LRRN4: variants seen among roughly 807,000 people sequenced by gnomAD.
The protein encoded by LRRN4 is leucine-rich repeat neuronal protein 4.
Under a neutral mutation model 22.3 loss-of-function variants are expected in LRRN4, and 26 were observed. That is an observed-to-expected ratio of 1.16 (90% CI 0.85 to 1.62). LRRN4 has a LOEUF of 1.62. LRRN4 is among the 40% of genes most tolerant of loss of function. The pLI, the probability that LRRN4 is intolerant of heterozygous loss-of-function variation, is 0.00. For missense variants in LRRN4, 1,070 were observed against 1,008.5 expected (o/e 1.06, Z -0.83); for synonymous variants, 496 against 486.2 (o/e 1.02, Z -0.26).
chr20:6,050,157 C>G (rs1450969147), intron 3 of LRRN4, among the ~76,000 whole-genome samples: 1 of 152,206 alleles, frequency 6.6e-6, no homozygotes, highest in Non-Finnish European at 1.5e-5. Context: ...TTATCGAGCT[C>G]AAAGGAGTCT....
rs774800892 is a variant in LRRN4, at chr20:6,052,383, C to T, written c.417G>A (p.Pro139=). The T allele has an allele frequency of 3.3e-6, 5 of 1,524,398 alleles. No individual in the cohort carries two copies. Among genetic ancestry groups the T allele is most frequent in the Non-Finnish European group, 4.4e-6 (5 of 1,145,366 alleles). 94.4% of individuals were successfully genotyped at this position (1,524,398 alleles called of 1,614,324 possible). ...GGCTGCTCAGCGCGGGCCCGGTGCA[C>T]GGCGGCAGAGCGGCCAGCTGGTTGT... The part of the protein sequence containing the change: ...LSYNQLAALP[P]CTGPALSSLR... Residue 139 remains proline, a synonymous_variant, in exon 2 of 5, where the codon CCG becomes CCA. Transcript: ENST00000378858.
At chr20:6,053,611 G>A (rs1017094526) in intron 1 of LRRN4, among the ~76,000 whole-genome samples, 9 of 152,054 alleles carry the variant, frequency 5.9e-5, no homozygotes, top group Admixed American at 3.9e-4. Context: ...CAAAGATACC[G>A]TTAACCATGC....
At chr20:6,051,028 A>G in intron 2 of LRRN4, 45 bp from the exon 3 acceptor site, 1 of 1,566,692 alleles carries the variant, frequency 6.4e-7, no homozygotes, top group East Asian at 2.2e-5. Context: ...GAACGCACAA[A>G]CCCAGGAGGC....
In LRRN4 at chr20:6,041,778, CG is replaced by C. The variant is rs748685329; in HGVS notation, c.1466del (p.Ser489CysfsTer6). The stretch of plus-strand genomic sequence containing the variant: ...GAGGCGAGCTTATGCTGCGGTCCCA[CG>C]AGGTAGGGAAGGGGCCCAGGAGCTT... ...ASKLLGPFPT[S>X]WDRSISSPQP... On this transcript the variant is annotated frameshift_variant, in exon 5 of 5. Coordinates refer to ENST00000378858, the MANE Select transcript of LRRN4 (RefSeq NM_152611.5). LOFTEE classifies it low-confidence loss of function (END_TRUNC). This position sits in a 1 kb window ranked among gnomAD's most constrained non-coding sequence, Gnocchi z 9.4. 2.3e-5 allele frequency: 37 copies of C among 1,613,944 alleles called. No individual in the cohort carries two copies. Among genetic ancestry groups the C allele is most frequent in the East Asian group, 8.9e-5 (4 of 44,878 alleles).
At chr20:6,048,745 T>A (rs113226856) in intron 3 of LRRN4, among the ~76,000 whole-genome samples, 1 of 152,184 alleles carries the variant, frequency 6.6e-6, no homozygotes, top group South Asian at 2.1e-4. Flanking sequence ...GGCAATTAGA[T>A]ACGTGATTCT....
Position 6,051,229 on chromosome 20 carries a change from C to T in LRRN4, c.656-246G>A, listed in dbSNP as rs182328096. ...AGGCCAGAGAGGGGATTGATTGGCC[C>T]AAGGCTACATAGCTGGAAAGCGGCA... On this transcript the variant is annotated intron_variant, in intron 2 of 4. Coordinates refer to ENST00000378858, the MANE Select transcript of LRRN4 (RefSeq NM_152611.5). 2.6e-5 allele frequency among the ~76,000 whole-genome samples: 4 copies of T among 152,300 alleles called. No individual in the cohort carries two copies. In the East Asian group the frequency reaches 7.7e-4, roughly 29 times the overall value.
intron 2 of LRRN4, among the ~76,000 whole-genome samples, 177 bp from the exon 3 acceptor site, chr20:6,051,160 T>C (rs1981235134): frequency 6.6e-6 from 1 of 152,214 alleles, no homozygotes; most frequent in African/African-American, 2.4e-5. Flanking sequence ...GGAAGGGTGC[T>C]CAGGGACAAG....
chr20:6,052,040 A>G (rs1981259038), intron 2 of LRRN4, 105 bp downstream of exon 2: 13 of 1,372,620 alleles, frequency 9.5e-6, no homozygotes, highest in Non-Finnish European at 1.3e-5. Flanking sequence ...CGAGCTGGGC[A>G]CCCGGGTCAC....
chr20:6,052,603 A>T lies in LRRN4; in HGVS notation c.197T>A (p.Leu66Gln). 3 of 1,587,472 alleles carry T rather than the reference A, an allele frequency of 1.9e-6. No homozygotes were observed. The highest frequency in any genetic ancestry group is 2.6e-6 in the Non-Finnish European group (3 of 1,174,572). Residue 66 changes from leucine (L) to glutamine (Q), a missense_variant, in exon 2 of 5, where the codon CTG becomes CAG. By Grantham distance (113) the Leu-to-Gln change is moderately radical (BLOSUM62 -2). Coordinates refer to ENST00000378858, the MANE Select transcript of LRRN4 (RefSeq NM_152611.5). ...ATALTLANRN[L>Q]ERLPGCLPRT... The stretch of plus-strand genomic sequence containing the variant: ...CGGTAGGCAGCCGGGCAGGCGCTCC[A>T]GGTTGCGGTTCGCCAGGGTCAAGGC...
In LRRN4 at chr20:6,047,649, G is replaced by T. The variant is rs190499513; in HGVS notation, c.861-2969C>A. On this transcript the variant is annotated intron_variant, in intron 3 of 4. Coordinates refer to ENST00000378858, the MANE Select transcript of LRRN4 (RefSeq NM_152611.5). The stretch of plus-strand genomic sequence containing the variant: ...AAAATACAAAAAAAAAAAATAGCTG[G>T]GTGTGGTGGCGTGTACCTGTAGTCC... 6.7e-3 allele frequency among the ~76,000 whole-genome samples: 959 copies of T among 143,498 alleles called. 12 individuals carry two copies. Among genetic ancestry groups the T allele is most frequent in the Middle Eastern group, 0.021 (6 of 284 alleles). The allele number at this position is 143,498 out of a possible 152,430, so 94.1% of individuals were successfully genotyped here. A position where few individuals can be genotyped will look rare whatever the true frequency, so the allele number is the denominator to read the frequency against.
At chr20:6,046,335 G>A (rs1981098732) in intron 3 of LRRN4, among the ~76,000 whole-genome samples, 1 of 148,132 alleles carries the variant, frequency 6.8e-6, no homozygotes, top group Non-Finnish European at 1.5e-5. Context: ...TATATATATA[G>A]GAGGAGCTGC....
At position 6,052,777 on chromosome 20, in the gene LRRN4, A is replaced by C; in HGVS notation, c.23T>G (p.Leu8Arg). 6.4e-7 allele frequency: 1 copy of C among 1,574,184 alleles called. No homozygotes were observed. Among genetic ancestry groups the C allele is most frequent in the Non-Finnish European group, 8.6e-7 (1 of 1,167,742 alleles). The change falls in exon 2 of 5, where the codon CTG becomes CGG. Residue 8 changes from leucine to arginine, a missense_variant. Transcript: ENST00000378858. MRQTLPL[L>R]LLTVLRPSWA... The stretch of plus-strand genomic sequence containing the variant: ...GCTGGGGCGCAGCACCGTCAGCAGC[A>C]GCAGCGGTAGGGTTTGCCGCATGGC...
In LRRN4 at chr20:6,045,073, G is replaced by A. The variant is rs370660934; in HGVS notation, c.861-393C>T. ...ACATTTTTTTTCTTTGAGTAACACC[G>A]TTGAGTCCTTTACTTACATTGTCTC... On this transcript the variant is annotated intron_variant, in intron 3 of 4. Coordinates refer to ENST00000378858, the MANE Select transcript of LRRN4 (RefSeq NM_152611.5). 7.4e-5 allele frequency among the ~76,000 whole-genome samples: 11 copies of A among 149,010 alleles called. 1 individual carries two copies. The South Asian group carries it at 1.7e-3, about 23-fold the overall frequency.
At position 6,041,975 on chromosome 20, in the gene LRRN4, C is replaced by G. The variant is rs1315304715; in HGVS notation, c.1270G>C (p.Asp424His). 1 of 1,614,044 alleles carries G rather than the reference C, an allele frequency of 6.2e-7. No individual in the cohort carries two copies. The highest frequency in any genetic ancestry group is 2.2e-5 in the East Asian group (1 of 44,858). ...SRTIAAWPHS[D>H]AREGTAPSTT... is the part of the protein sequence containing the mutation. Reference sequence around the variant, plus strand: ...GAGGGGGCAGTCCCCTCCCGTGCATCGCTGTGCGGCCATGCAGCTATCGTG... The same window carrying G: ...GAGGGGGCAGTCCCCTCCCGTGCATGGCTGTGCGGCCATGCAGCTATCGTG... Residue 424 changes from aspartate to histidine, a missense_variant, in exon 5 of 5, where the codon GAT becomes CAT. Coordinates refer to ENST00000378858, the MANE Select transcript of LRRN4 (RefSeq NM_152611.5). The surrounding 1 kb of genome is among the most constrained non-coding windows in gnomAD (Gnocchi z 9.4).
At chr20:6,050,746 C>G in intron 3 of LRRN4, 33 bp downstream of exon 3, 3 of 1,596,554 alleles carry the variant, frequency 1.9e-6, no homozygotes, top group Non-Finnish European at 2.6e-6. Flanking sequence ...AAAAATCAGT[C>G]ATGTGATGAA....
Position 6,040,935 on chromosome 20 carries a change from G to T in LRRN4, c.*87C>A. 6.4e-7 allele frequency: 1 copy of T among 1,551,976 alleles called. No homozygotes were observed. The highest frequency in any genetic ancestry group is 8.7e-7 in the Non-Finnish European group (1 of 1,144,640). Reference sequence around the variant, plus strand: ...GCTTCACGGGAATTAGAAACCCTAGGAGCGGATGGGGTCGTTTTTGACCGT... The same window carrying T: ...GCTTCACGGGAATTAGAAACCCTAGTAGCGGATGGGGTCGTTTTTGACCGT... On this transcript the variant is annotated 3_prime_UTR_variant, in exon 5 of 5. Coordinates refer to ENST00000378858, the MANE Select transcript of LRRN4 (RefSeq NM_152611.5).
rs1221880617 is a variant in LRRN4, at chr20:6,040,602, T to C, written c.*420A>G. Among the ~76,000 whole-genome samples the C allele has an allele frequency of 6.6e-6, 1 of 152,212 alleles. No individual in the cohort carries two copies. The highest frequency in any genetic ancestry group is 1.9e-4 in the East Asian group (1 of 5,196). ...CTCGTTGTGTCTTAGAGCTTGACCA[T>C]GAAGGAGCTTCCGCTGGAAAGACCT... On this transcript the variant is annotated 3_prime_UTR_variant, in exon 5 of 5. Coordinates refer to ENST00000378858, the MANE Select transcript of LRRN4 (RefSeq NM_152611.5).
At chr20:6,052,116 G>C in intron 2 of LRRN4, 29 bp downstream of exon 2, 1 of 1,561,862 alleles carries the variant, frequency 6.4e-7, no homozygotes, top group Non-Finnish European at 8.7e-7. Flanking sequence ...CGCTCAGGCC[G>C]GCTGAAAACG....
intron 3 of LRRN4, among the ~76,000 whole-genome samples, chr20:6,046,695 T>C (rs1449624961): frequency 6.7e-6 from 1 of 149,094 alleles, no homozygotes; most frequent in East Asian, 2.0e-4. Context: ...AGGAAGGACA[T>C]GTCACCCACA....
Sources: gnomAD v4.1 joint callset for allele counts (sites outside exome capture counted in the v4.1 genomes callset) on GRCh38, gnomAD v4.1.1 for gene constraint, Gnocchi (gnomAD v3.1) non-coding constraint, MANE v1.5 for transcripts, NCBI Gene and HGNC (gene_info 2026-07-23, HGNC 2026-07-21) for gene names.